Variants in SERINC5 observed in about 807,000 individuals in gnomAD.
SERINC5 encodes chromosome 5 open reading frame 12.
A neutral mutation model predicts 63.1 loss-of-function variants in SERINC5; 41 were observed. The ratio of observed to expected loss-of-function variants is 0.65; its 90% CI spans 0.51 to 0.84. The LOEUF is 0.84. Among genes scored for constraint, SERINC5 ranks in the 40% least tolerant of loss-of-function variants. The pLI is 0.00. For missense variants in SERINC5, 523 were observed against 573.0 expected (o/e 0.91, Z 0.89); for synonymous variants, 222 against 215.2 (o/e 1.03, Z -0.28).
intron 1 of SERINC5, among the ~76,000 whole-genome samples, chr5:80,244,100 T>C (rs746326667): frequency 3.3e-5 from 5 of 152,160 alleles, no homozygotes; most frequent in Non-Finnish European, 5.9e-5. Context: ...GCTCTTAATC[T>C]GTGCTTCCTT....
rs55865818 is a variant in SERINC5 at position 80,174,369 on chromosome 5, AAATAATAAT to A, written c.551+576_551+584del. On this transcript the variant is annotated intron_variant, in intron 5 of 11. Transcript: ENST00000507668. The stretch of plus-strand genomic sequence containing the variant: ...ATGACAAAGTGGGATCCCATCTCAA[AAATAATAAT>A]AATAATAATAATAATAATAATAATA... 7.0e-4 allele frequency among the ~76,000 whole-genome samples: 92 copies of A among 131,706 alleles called. 1 individual carries two copies. Among genetic ancestry groups the A allele is most frequent in the Non-Finnish European group, 7.9e-4 (50 of 63,494 alleles). The allele number at this position is 131,706 out of a possible 152,430, so 86.4% of individuals were successfully genotyped here.
chr5:80,120,530 T>C (rs1258314113), intron 11 of SERINC5, among the ~76,000 whole-genome samples: 3 of 152,098 alleles, frequency 2.0e-5, no homozygotes, highest in Admixed American at 1.3e-4. Context: ...TTTAAAGAAA[T>C]ACCCATGGCC....
At chr5:80,158,713 CTTGTGGTTATTTT>C in intron 8 of SERINC5, 110 bp downstream of exon 8, 1 of 902,046 alleles carries the variant, frequency 1.1e-6, no homozygotes, top group African/African-American at 1.7e-5. Flanking sequence ...CGCCTTTTTA[CTTGTGGTTATTTT>C]CCCCCCTCCT....
chr5:80,247,371 A>AGGGC (rs1211014312), intron 1 of SERINC5, among the ~76,000 whole-genome samples: 2 of 152,080 alleles, frequency 1.3e-5, no homozygotes, highest in African/African-American at 4.8e-5. Context: ...ACAGAAAACG[A>AGGGC]GGGCGGAAAG....
chr5:80,183,461 A>G (rs1269591416), intron 2 of SERINC5, among the ~76,000 whole-genome samples: 1 of 152,124 alleles, frequency 6.6e-6, no homozygotes, highest in Non-Finnish European at 1.5e-5. Flanking sequence ...CAGGCCTCTG[A>G]GCCTAAGCCA....
chr5:80,165,509 TAGAG>T lies in SERINC5; in HGVS notation c.859+870_859+873del, dbSNP rs1429473145. On this transcript the variant is annotated intron_variant, in intron 7 of 11. Coordinates refer to ENST00000507668, the MANE Select transcript of SERINC5 (RefSeq NM_001174072.3). ...TTACATTTATACATCACATAAGTAA[TAGAG>T]AGGATAAGTAAGTTTCTGCAAGTTA... 2.6e-5 allele frequency among the ~76,000 whole-genome samples: 4 copies of T among 152,200 alleles called. No individual in the cohort carries two copies. In the South Asian group the frequency reaches 8.3e-4, roughly 31 times the overall value.
intron 2 of SERINC5, among the ~76,000 whole-genome samples, chr5:80,197,849 C>CTT (rs1418669117): frequency 6.6e-6 from 1 of 151,906 alleles, no homozygotes; most frequent in African/African-American, 2.4e-5. Flanking sequence ...CTAAAATGGA[C>CTT]TTTCTTTTTG....
At chr5:80,164,385 A>AT (rs1413384819) in intron 7 of SERINC5, among the ~76,000 whole-genome samples, 2 of 148,524 alleles carry the variant, frequency 1.3e-5, no homozygotes, top group South Asian at 2.1e-4. Flanking sequence ...ATTTTATTTT[A>AT]TTTTTTTGAG....
chr5:80,157,627 A>T (rs1421210198), intron 8 of SERINC5: 4 of 151,694 alleles, frequency 2.6e-5, no homozygotes, highest in Non-Finnish European at 5.9e-5. Flanking sequence ...AAGTGCTGGG[A>T]TTATAGGCGT....
At chr5:80,203,874 G>T (rs185086883) in intron 1 of SERINC5, among the ~76,000 whole-genome samples, 43 of 152,296 alleles carry the variant, frequency 2.8e-4, no homozygotes, top group African/African-American at 9.4e-4. Flanking sequence ...GTGGTTTAGA[G>T]GGTCGGAACT....
chr5:80,237,414 G>A (rs114539327), intron 1 of SERINC5, among the ~76,000 whole-genome samples: 1 of 151,422 alleles, frequency 6.6e-6, no homozygotes, highest in Non-Finnish European at 1.5e-5. Flanking sequence ...GCTCACTGCA[G>A]CTTCAACTTC....
chr5:80,184,696 G>C (rs777174445), intron 2 of SERINC5, among the ~76,000 whole-genome samples: 1 of 152,066 alleles, frequency 6.6e-6, no homozygotes, highest in Non-Finnish European at 1.5e-5. Context: ...CTGGCAAGGG[G>C]AATTTGCTCC....
At chr5:80,246,099 A>G (rs2112603788) in intron 1 of SERINC5, among the ~76,000 whole-genome samples, 1 of 152,274 alleles carries the variant, frequency 6.6e-6, no homozygotes. Context: ...AAACAGTTTC[A>G]TTACTATGGA....
intron 7 of SERINC5, among the ~76,000 whole-genome samples, chr5:80,166,040 G>T (rs1747275934): frequency 6.6e-6 from 1 of 152,190 alleles, no homozygotes; most frequent in South Asian, 2.1e-4. Flanking sequence ...TGTGAAACAT[G>T]TAACAATCAC....
chr5:80,201,650 CCA>C (rs1320480943), intron 2 of SERINC5, among the ~76,000 whole-genome samples: 1 of 152,216 alleles, frequency 6.6e-6, no homozygotes, highest in East Asian at 1.9e-4. Context: ...AAAATCCCCA[CCA>C]CAGTCCCCTG....
chr5:80,197,612 G>A (rs185533408), intron 2 of SERINC5, among the ~76,000 whole-genome samples: 1 of 152,158 alleles, frequency 6.6e-6, no homozygotes, highest in Non-Finnish European at 1.5e-5. Context: ...GAGAAAGTGG[G>A]GGCTGCACAG....
chr5:80,226,247 C>T (rs10474612), intron 1 of SERINC5, among the ~76,000 whole-genome samples: 74,481 of 151,930 alleles, frequency 0.49, 18,685 homozygotes, highest in African/African-American at 0.6. Flanking sequence ...TTAGTAGAGA[C>T]GGGGTTTTGC....
rs763160251 is a variant in SERINC5, at chr5:80,146,170, G to A, written c.1158C>T (p.Thr386=). 31 of 1,613,822 alleles carry A rather than the reference G, an allele frequency of 1.9e-5. No individual in the cohort carries two copies. The highest frequency in any genetic ancestry group is 1.6e-4 in the Middle Eastern group (1 of 6,084). The change falls in exon 11 of 12, where the codon ACC becomes ACT. Residue 386 remains threonine, a synonymous_variant. Transcript: ENST00000507668. ...AGTGGAAGTAGGAGTAGATGTAGAC[G>A]GTGCCTTTCTTCTCGTCATAAATGA... The part of the protein sequence containing the change: ...PRVIYDEKKG[T]VYIYSYFHFV...
At chr5:80,195,509 T>C (rs1004082282) in intron 2 of SERINC5, among the ~76,000 whole-genome samples, 10 of 152,200 alleles carry the variant, frequency 6.6e-5, no homozygotes, top group African/African-American at 2.2e-4. Context: ...GCAGCCTTTT[T>C]CCACTCATCT....
Sources: allele counts gnomAD v4.1 joint callset (sites outside exome capture counted in the v4.1 genomes callset), GRCh38; gene constraint gnomAD v4.1.1; transcripts MANE v1.5; gene names NCBI Gene and HGNC (gene_info 2026-07-23, HGNC 2026-07-21).